Variants in RIMS2 observed in about 807,000 individuals in gnomAD.
The protein encoded by RIMS2 is regulating synaptic membrane exocytosis protein 2.
In RIMS2, 59 loss-of-function variants were observed where a neutral mutation model predicts 174.4. That is an observed-to-expected ratio of 0.34 (90% confidence interval 0.27 to 0.42). RIMS2 has a LOEUF of 0.42. Among genes scored for constraint, RIMS2 ranks in the 10% least tolerant of loss-of-function variants. The pLI is 1.00. For missense variants in RIMS2, 1,620 were observed against 1,666.3 expected (o/e 0.97, Z 0.48); for synonymous variants, 606 against 572.5 (o/e 1.06, Z -0.84).
chr8:103,540,568 C>A (rs1842078399), intron 1 of RIMS2, among the ~76,000 whole-genome samples: 1 of 152,168 alleles, frequency 6.6e-6, no homozygotes, highest in Non-Finnish European at 1.5e-5. Context: ...GCTACTGCAC[C>A]AGATGTGCAG....
At chr8:104,144,347 G>A (rs1051865768) in intron 19 of RIMS2, among the ~76,000 whole-genome samples, 18 of 152,008 alleles carry the variant, frequency 1.2e-4, no homozygotes, top group African/African-American at 3.9e-4. Flanking sequence ...TTCTAGAACC[G>A]AACACCCTAT....
At chr8:104,030,459 G>A (rs1421317224) in intron 19 of RIMS2, among the ~76,000 whole-genome samples, 1 of 152,184 alleles carries the variant, frequency 6.6e-6, no homozygotes, top group African/African-American at 2.4e-5. Flanking sequence ...ATGAGAATAA[G>A]ATTAAATGGT....
At chr8:104,037,389 A>G (rs1335015180) in intron 19 of RIMS2, among the ~76,000 whole-genome samples, 1 of 152,232 alleles carries the variant, frequency 6.6e-6, no homozygotes, top group Non-Finnish European at 1.5e-5. Context: ...GAACGTTTTT[A>G]ACATAATGCT....
At chr8:103,998,712 T>C (rs2095252179) in intron 17 of RIMS2, among the ~76,000 whole-genome samples, 2 of 151,728 alleles carry the variant, frequency 1.3e-5, no homozygotes, top group Admixed American at 1.3e-4. Flanking sequence ...GGTTGCCTTG[T>C]CAGAGGTGGC....
chr8:103,785,379 C>A (rs1012515793), intron 3 of RIMS2, among the ~76,000 whole-genome samples: 4 of 150,148 alleles, frequency 2.7e-5, no homozygotes, highest in African/African-American at 9.8e-5. Context: ...CAGTTTTTGC[C>A]CATTCAGTAT....
intron 2 of RIMS2, among the ~76,000 whole-genome samples, chr8:103,713,094 T>C (rs182332957): frequency 3.9e-5 from 6 of 152,102 alleles, no homozygotes; most frequent in Admixed American, 1.3e-4. Context: ...TCTTGGCTCA[T>C]TGCAACCTCC....
At chr8:104,035,252 GTTT>G (rs34443389) in intron 19 of RIMS2, among the ~76,000 whole-genome samples, 4 of 146,058 alleles carry the variant, frequency 2.7e-5, no homozygotes, top group African/African-American at 1.0e-4. Flanking sequence ...GAAAATAACT[GTTT>G]TTTTTTTTGT....
At chr8:103,921,508 A>G (rs2077657331) in intron 9 of RIMS2, among the ~76,000 whole-genome samples, 164 bp from the exon 13 acceptor site, 1 of 152,230 alleles carries the variant, frequency 6.6e-6, no homozygotes, top group Non-Finnish European at 1.5e-5. Flanking sequence ...GCTTCCAAAA[A>G]AACCCTTTAA....
At chr8:103,942,198 T>C (rs540456528) in intron 13 of RIMS2, among the ~76,000 whole-genome samples, 9 of 152,304 alleles carry the variant, frequency 5.9e-5, no homozygotes, top group African/African-American at 1.2e-4. Context: ...TGTGGGTCCA[T>C]GTGTTTCTCA....
chr8:103,720,792 A>C (rs2097436600), intron 2 of RIMS2, among the ~76,000 whole-genome samples: 1 of 152,248 alleles, frequency 6.6e-6, no homozygotes, highest in Non-Finnish European at 1.5e-5. Flanking sequence ...TGAGTAGTTT[A>C]AAAGGCAGAG....
At chr8:103,849,753 A>T (rs2098987459) in intron 3 of RIMS2, among the ~76,000 whole-genome samples, 1 of 152,010 alleles carries the variant, frequency 6.6e-6, no homozygotes, top group Admixed American at 6.6e-5. Context: ...GGGATTCATA[A>T]GACTGGTAAA....
At chr8:103,641,695 G>A (rs926663167) in intron 1 of RIMS2, among the ~76,000 whole-genome samples, 3 of 152,032 alleles carry the variant, frequency 2.0e-5, no homozygotes. Flanking sequence ...TGGAGGGTAA[G>A]TGAATTCTCA....
intron 19 of RIMS2, among the ~76,000 whole-genome samples, chr8:104,234,800 C>A (rs1588007590): frequency 6.6e-6 from 1 of 152,248 alleles, no homozygotes; most frequent in East Asian, 1.9e-4. Context: ...AGTCCTCTGG[C>A]TTGATCCCTC....
At chr8:104,046,010 T>C (rs1378937855) in intron 19 of RIMS2, among the ~76,000 whole-genome samples, 1 of 152,034 alleles carries the variant, frequency 6.6e-6, no homozygotes, top group African/African-American at 2.4e-5. Flanking sequence ...TTTTCTGTTT[T>C]GGTTCTCTGA....
intron 2 of RIMS2, among the ~76,000 whole-genome samples, chr8:103,734,673 C>T (rs1252724686): frequency 1.3e-5 from 2 of 151,828 alleles, no homozygotes; most frequent in Admixed American, 6.6e-5. Flanking sequence ...AACATTTCTG[C>T]AGTTTTGTCT....
intron 1 of RIMS2, 29 bp downstream of exon 1, chr8:103,501,091 C>T: frequency 4.6e-6 from 7 of 1,532,214 alleles, no homozygotes; most frequent in Non-Finnish European, 6.2e-6. Context: ...ATTCCCGCCT[C>T]TCTCCCTGCC....
chr8:103,633,719 G>C (rs1453441247), intron 1 of RIMS2, among the ~76,000 whole-genome samples: 4 of 152,028 alleles, frequency 2.6e-5, no homozygotes, highest in African/African-American at 4.8e-5. Context: ...GCTCATTATT[G>C]GTCCATTCGG....
At chr8:103,902,206 C>T (rs1193637270) in intron 4 of RIMS2, among the ~76,000 whole-genome samples, 2 of 152,174 alleles carry the variant, frequency 1.3e-5, no homozygotes, top group South Asian at 2.1e-4. Flanking sequence ...AAGGTATCCA[C>T]AGTTCCTAAA....
intron 3 of RIMS2, among the ~76,000 whole-genome samples, chr8:103,777,594 G>A (rs887275910): frequency 6.6e-6 from 1 of 151,782 alleles, no homozygotes; most frequent in East Asian, 1.9e-4. Flanking sequence ...ATTTATTTTG[G>A]TGATGAAAAT....
Sources: allele counts gnomAD v4.1 joint callset (sites outside exome capture counted in the v4.1 genomes callset), GRCh38; gene constraint gnomAD v4.1.1; transcripts MANE v1.5; gene names NCBI Gene and HGNC (gene_info 2026-07-23, HGNC 2026-07-21).